Variants in UMAD1 observed in about 807,000 individuals in gnomAD.
UMAD1 encodes the protein UBAP1-MVB12-associated (UMA)-domain containing protein 1.
UMAD1 carries 8 observed loss-of-function variants against 6.1 expected under a neutral mutation model. The ratio of observed to expected loss-of-function variants is 1.30; its 90% CI spans 0.76 to 2.35. The LOEUF (loss-of-function observed/expected upper bound fraction) is 2.35, where lower values mean the gene tolerates loss of function less well. Ranked by LOEUF, UMAD1 falls within the 30% of genes most tolerant of loss-of-function variation. The pLI is 0.00. For missense variants in UMAD1, 130 were observed against 78.4 expected (o/e 1.66, Z -2.49); for synonymous variants, 56 against 31.4 (o/e 1.78, Z -2.61).
intron 2 of UMAD1, among the ~76,000 whole-genome samples, chr7:7,685,543 G>A (rs760802212): frequency 2.0e-5 from 3 of 152,022 alleles, no homozygotes; most frequent in Non-Finnish European, 2.9e-5. Context: ...TCCTGACCTC[G>A]TGATCCGCCC....
chr7:7,830,958 A>C lies in UMAD1; in HGVS notation c.156+29215A>C, dbSNP rs1353314825. On this transcript the variant is annotated intron_variant, in intron 3 of 3. Transcript: ENST00000682710. This position sits in a 1 kb window ranked among gnomAD's most constrained non-coding sequence, Gnocchi z 5.3. ...ACAAGAATATTTTTTAATTATAAAA[A>C]ATATACCAGTCCTTAAAATATGTAT... 6.6e-6 allele frequency among the ~76,000 whole-genome samples: 1 copy of C among 152,172 alleles called. No individual in the cohort carries two copies. Among genetic ancestry groups the C allele is most frequent in the Non-Finnish European group, 1.5e-5 (1 of 68,012 alleles).
chr7:7,874,110 A>T (rs1784375762), intron 3 of UMAD1, among the ~76,000 whole-genome samples: 1 of 152,104 alleles, frequency 6.6e-6, no homozygotes, highest in Non-Finnish European at 1.5e-5. Context: ...CATGTGTCTC[A>T]TCGCTCAGGC....
intron 2 of UMAD1, among the ~76,000 whole-genome samples, chr7:7,688,261 A>G (rs1780085808): frequency 6.6e-6 from 1 of 152,130 alleles, no homozygotes; most frequent in African/African-American, 2.4e-5. Context: ...GTGATTTCTT[A>G]GGATATTTTT....
At chr7:7,857,579 T>C (rs994329345) in intron 3 of UMAD1, among the ~76,000 whole-genome samples, 13 of 152,244 alleles carry the variant, frequency 8.5e-5, no homozygotes, top group African/African-American at 2.9e-4. Context: ...CACTCTGTTG[T>C]GACTTTGAGT....
chr7:7,670,885 C>T (rs926375156), intron 1 of UMAD1, among the ~76,000 whole-genome samples: 5 of 152,148 alleles, frequency 3.3e-5, no homozygotes, highest in African/African-American at 1.2e-4. Flanking sequence ...ATCTTGGGCC[C>T]AAGAATGTTC....
intron 2 of UMAD1, among the ~76,000 whole-genome samples, chr7:7,712,900 T>C (rs1780802513): frequency 1.3e-5 from 2 of 152,226 alleles, no homozygotes; most frequent in Admixed American, 6.5e-5. Context: ...GATTTGATTT[T>C]AATAGAATTC....
intron 1 of UMAD1, among the ~76,000 whole-genome samples, chr7:7,658,611 G>A (rs897650471): frequency 2.0e-5 from 3 of 152,090 alleles, no homozygotes; most frequent in African/African-American, 4.8e-5. Flanking sequence ...GCTGGATTAC[G>A]TTTATTGATT....
intron 1 of UMAD1, among the ~76,000 whole-genome samples, chr7:7,645,921 ATTC>A (rs1785083117): frequency 6.6e-6 from 1 of 152,038 alleles, no homozygotes; most frequent in Non-Finnish European, 1.5e-5. Flanking sequence ...AGACAGGAGA[ATTC>A]CCTGGACCCC....
At chr7:7,819,795 T>C (rs1783206657) in intron 3 of UMAD1, among the ~76,000 whole-genome samples, 1 of 152,240 alleles carries the variant, frequency 6.6e-6, no homozygotes, top group Non-Finnish European at 1.5e-5. Flanking sequence ...AATACAGTTC[T>C]CTAACTTCTC....
chr7:7,748,479 A>G (rs1444906754), intron 2 of UMAD1, among the ~76,000 whole-genome samples: 1 of 152,122 alleles, frequency 6.6e-6, no homozygotes, highest in Non-Finnish European at 1.5e-5. Context: ...CCAGATTGGA[A>G]TATAAATTAA....
At chr7:7,825,434 G>A (rs1278104803) in intron 3 of UMAD1, among the ~76,000 whole-genome samples, 1 of 152,186 alleles carries the variant, frequency 6.6e-6, no homozygotes, top group African/African-American at 2.4e-5. Flanking sequence ...AGTTCTGCAT[G>A]GTTGGGAAGG....
chr7:7,725,202 C>A (rs771387255), intron 2 of UMAD1, among the ~76,000 whole-genome samples: 31 of 152,296 alleles, frequency 2.0e-4, no homozygotes, highest in Middle Eastern at 3.4e-3. Context: ...ACATGGTGGG[C>A]CTGTTTGGAT....
At chr7:7,661,444 A>T (rs1007968517) in intron 1 of UMAD1, among the ~76,000 whole-genome samples, 5 of 152,086 alleles carry the variant, frequency 3.3e-5, no homozygotes, top group Admixed American at 3.3e-4. Context: ...ATCTTTGTGG[A>T]TTCATCTACC....
intron 2 of UMAD1, among the ~76,000 whole-genome samples, chr7:7,712,040 C>A (rs1409732757): frequency 2.6e-5 from 4 of 152,048 alleles, no homozygotes; most frequent in Non-Finnish European, 5.9e-5. Context: ...TCCAAGCTTA[C>A]TCTTACATAT....
chr7:7,741,578 AAATAATAATAATAAT>A (rs201307561), intron 2 of UMAD1, among the ~76,000 whole-genome samples: 23 of 139,396 alleles, frequency 1.6e-4, no homozygotes, highest in South Asian at 1.6e-3. Context: ...CAACGTCTCA[AAATAATAATAATAAT>A]AATAATAATA....
At chr7:7,793,386 G>A (rs555576006) in intron 2 of UMAD1, among the ~76,000 whole-genome samples, 2 of 152,264 alleles carry the variant, frequency 1.3e-5, no homozygotes, top group Non-Finnish European at 1.5e-5. Context: ...ATGAAAAGGA[G>A]TTAATGGTGT....
At chr7:7,821,580 C>T (rs1053412120) in intron 3 of UMAD1, among the ~76,000 whole-genome samples, 1 of 152,156 alleles carries the variant, frequency 6.6e-6, no homozygotes, top group African/African-American at 2.4e-5. Flanking sequence ...TTTTTAACCT[C>T]TGAACAGTCA....
intron 2 of UMAD1, among the ~76,000 whole-genome samples, chr7:7,797,628 C>T (rs1373907575): frequency 5.9e-5 from 9 of 152,120 alleles, no homozygotes; most frequent in Non-Finnish European, 2.9e-5. Flanking sequence ...AGAATGGGAT[C>T]ATGATGATAC....
chr7:7,743,868 C>G (rs1447220409), intron 2 of UMAD1, among the ~76,000 whole-genome samples: 1 of 151,876 alleles, frequency 6.6e-6, no homozygotes, highest in Admixed American at 6.6e-5. Context: ...CTGTCTATTT[C>G]TAAAGCTTTT....
Sources: allele counts gnomAD v4.1 joint callset (sites outside exome capture counted in the v4.1 genomes callset), GRCh38; gene constraint gnomAD v4.1.1; non-coding constraint Gnocchi (gnomAD v3.1); transcripts MANE v1.5; gene names NCBI Gene and HGNC (gene_info 2026-07-23, HGNC 2026-07-21).